The following WDR20 variants were observed in gnomAD, a reference collection of about 807,000 sequenced individuals.
WDR20 encodes WD repeat domain 20.
Under a neutral mutation model 38.7 loss-of-function variants are expected in WDR20, and 3 were observed. That is an observed-to-expected ratio of 0.08 (90% CI 0.04 to 0.20). WDR20 has a LOEUF of 0.20. WDR20 is among the 10% of genes least tolerant of loss of function. The pLI is 1.00. For synonymous variants in WDR20, 298 were observed against 285.6 expected, an observed-to-expected ratio of 1.04 and a Z score of -0.44; for missense variants, 559 against 727.7, an observed-to-expected ratio of 0.77 and a Z score of 2.67.
chr14:102,168,326 GAGT>G (rs1342341357), intron 1 of WDR20, among the ~76,000 whole-genome samples: 4 of 152,022 alleles, frequency 2.6e-5, no homozygotes, highest in African/African-American at 2.4e-5. Context: ...GATAAAAATA[GAGT>G]AGTTTATTGT....
intron 1 of WDR20, among the ~76,000 whole-genome samples, chr14:102,191,776 G>A (rs2066502415): frequency 1.3e-5 from 2 of 152,184 alleles, no homozygotes; most frequent in African/African-American, 4.8e-5. Context: ...GTGACCTTAG[G>A]TGAGAGAGAT....
intron 1 of WDR20, among the ~76,000 whole-genome samples, chr14:102,141,431 G>A (rs2051095469): frequency 6.6e-6 from 1 of 152,084 alleles, no homozygotes; most frequent in Non-Finnish European, 1.5e-5. Context: ...ATGATAATAA[G>A]TGTACCACTG....
rs2059823968 is a variant in WDR20, at chr14:102,166,543, G to T, written c.249+26371G>T. ...TTATTTATCAGTTTCTGATAGATGT[G>T]TTATAAATATCTCATTGTGATTCTG... On this transcript the variant is annotated intron_variant, in intron 1 of 2. Transcript: ENST00000342702. 2.0e-5 allele frequency among the ~76,000 whole-genome samples: 3 copies of T among 152,148 alleles called. No individual in the cohort carries two copies. The South Asian group carries it at 6.2e-4, about 32-fold the overall frequency.
intron 1 of WDR20, among the ~76,000 whole-genome samples, chr14:102,168,414 C>T (rs1566888681): frequency 6.6e-6 from 1 of 151,962 alleles, no homozygotes; most frequent in Non-Finnish European, 1.5e-5. Flanking sequence ...TTTTACCTGT[C>T]AGTCTTTTTT....
Position 102,220,732 on chromosome 14 carries a change from A to C in WDR20, c.1693-2098A>C, listed in dbSNP as rs1206247321. ...GAGACTCCGTCTCAAAAAAAAAAAA[A>C]AAAAAGAAAATATTAAAATTAATGT... On this transcript the variant is annotated intron_variant, in intron 3 of 3. Transcript: ENST00000335263. This position sits in a 1 kb window ranked among gnomAD's most constrained non-coding sequence, Gnocchi z 4.2. Among the ~76,000 whole-genome samples the C allele has an allele frequency of 1.3e-5, 2 of 152,130 alleles. No individual in the cohort carries two copies. Among genetic ancestry groups the C allele is most frequent in the East Asian group, 3.9e-4 (2 of 5,186 alleles).
chr14:102,145,273 G>A (rs2053194590), intron 1 of WDR20, among the ~76,000 whole-genome samples: 1 of 151,780 alleles, frequency 6.6e-6, no homozygotes. Flanking sequence ...AAGTAACTTG[G>A]GTATTTTTTA....
intron 1 of WDR20, among the ~76,000 whole-genome samples, chr14:102,147,166 G>C (rs907507545): frequency 6.6e-6 from 1 of 152,148 alleles, no homozygotes; most frequent in Admixed American, 6.6e-5. Flanking sequence ...AGGCTGAGGC[G>C]GGTGGATCAT....
At chr14:102,202,711 C>T (rs1428610502) in intron 2 of WDR20, among the ~76,000 whole-genome samples, 1 of 151,972 alleles carries the variant, frequency 6.6e-6, no homozygotes, top group African/African-American at 2.4e-5. Flanking sequence ...GTTTCACACA[C>T]TCTTCCTCCG....
At chr14:102,193,385 C>T (rs974844722) in intron 1 of WDR20, 18 of 1,473,026 alleles carry the variant, frequency 1.2e-5, no homozygotes, top group Middle Eastern at 3.4e-4. Context: ...GTCAGGACTC[C>T]CTTTTGTTTT....
downstream of WDR20, among the ~76,000 whole-genome samples, chr14:102,218,869 A>C (rs1185364579): frequency 6.6e-6 from 1 of 152,246 alleles, no homozygotes; most frequent in African/African-American, 2.4e-5. Flanking sequence ...TGCACAGCCC[A>C]GCAGCTCCCG....
intron 1 of WDR20, among the ~76,000 whole-genome samples, chr14:102,145,154 C>T (rs1354464581): frequency 1.3e-5 from 2 of 152,178 alleles, no homozygotes; most frequent in African/African-American, 2.4e-5. Context: ...TAGAGTTAGG[C>T]CCTTGCTGTG....
At chr14:102,193,639 C>A in intron 1 of WDR20, 1 of 833,958 alleles carries the variant, frequency 1.2e-6, no homozygotes, top group Non-Finnish European at 1.8e-6. Context: ...TGCTCAAAGA[C>A]GCCTGTAATT....
intron 1 of WDR20, among the ~76,000 whole-genome samples, chr14:102,189,544 GA>G (rs1465931201): frequency 6.6e-6 from 1 of 152,196 alleles, no homozygotes. Context: ...TGCTGGGGCT[GA>G]AGACCAAATA....
Position 102,187,109 on chromosome 14 carries a change from G to C in WDR20, c.250-7829G>C, listed in dbSNP as rs116368016. On this transcript the variant is annotated intron_variant, in intron 1 of 2. Coordinates refer to ENST00000342702, the MANE Select transcript of WDR20 (RefSeq NM_144574.4). ...TGGAAGTAATTTCTTGGCCACTTTT[G>C]GTCCCTGTTTTGGTTGTCTGAGATG... 8.4e-3 allele frequency among the ~76,000 whole-genome samples: 1,281 copies of C among 152,080 alleles called. 26 individuals are homozygous for C. The highest frequency in any genetic ancestry group is 0.029 in the African/African-American group (1,215 of 41,470).
At chr14:102,177,846 A>G (rs2062497284) in intron 1 of WDR20, among the ~76,000 whole-genome samples, 2 of 152,138 alleles carry the variant, frequency 1.3e-5, no homozygotes, top group Admixed American at 6.5e-5. Context: ...AGTCACCTAT[A>G]TTGATTCCAA....
intron 1 of WDR20, among the ~76,000 whole-genome samples, chr14:102,191,577 A>G (rs529209126): frequency 6.6e-6 from 1 of 152,354 alleles, no homozygotes; most frequent in East Asian, 1.9e-4. Flanking sequence ...GTGGGGCTCC[A>G]AAAAGCTCTG....
At chr14:102,145,291 A>G (rs1281104123) in intron 1 of WDR20, among the ~76,000 whole-genome samples, 3 of 152,242 alleles carry the variant, frequency 2.0e-5, no homozygotes, top group East Asian at 1.9e-4. Context: ...TTAATAGCTC[A>G]TATCTTTTAA....
downstream of WDR20, among the ~76,000 whole-genome samples, chr14:102,218,500 C>A (rs958373411): frequency 1.3e-5 from 2 of 152,256 alleles, no homozygotes; most frequent in African/African-American, 4.8e-5. Context: ...GCAGCACCTG[C>A]AGGGGCAGGA....
rs1475510275 is a variant in WDR20 at position 102,222,815 on chromosome 14, C to T, written c.1693-15C>T. 6.2e-7 allele frequency: 1 copy of T among 1,614,064 alleles called. No individual in the cohort carries two copies. The highest frequency in any genetic ancestry group is 1.3e-5 in the African/African-American group (1 of 74,942). On this transcript the variant is annotated splice_polypyrimidine_tract_variant and intron_variant, in intron 3 of 3. Coordinates refer to the WDR20 transcript ENST00000335263. This position sits in a 1 kb window ranked among gnomAD's most constrained non-coding sequence, Gnocchi z 4.4. ...CGGTGTTTTGCTGGATTAATGTAGA[C>T]TGCTTTGTTTGCAGGGCTCATTGTC...
Sources: gnomAD v4.1 joint callset for allele counts (sites outside exome capture counted in the v4.1 genomes callset) on GRCh38, gnomAD v4.1.1 for gene constraint, Gnocchi (gnomAD v3.1) non-coding constraint, MANE v1.5 for transcripts, NCBI Gene and HGNC (gene_info 2026-07-23, HGNC 2026-07-21) for gene names.